Variants in HAPLN2 observed in about 807,000 individuals in gnomAD.
HAPLN2 encodes hyaluronan and proteoglycan link protein 2.
HAPLN2 carries 27 observed loss-of-function variants against 29.3 expected under a neutral mutation model. The observed-to-expected ratio is 0.92, with a 90% CI of 0.68 to 1.27. The LOEUF (loss-of-function observed/expected upper bound fraction) is 1.27. Among genes scored for constraint, HAPLN2 ranks in the 50% most tolerant of loss-of-function variants. HAPLN2 has a pLI of 0.00. For synonymous variants in HAPLN2, 208 were observed against 211.7 expected (o/e 0.98, Z 0.15); for missense variants, 454 against 484.3 (o/e 0.94, Z 0.59).
At chr1:156,624,198 A>G in intron 4 of HAPLN2, 38 bp downstream of exon 4, 1 of 1,577,098 alleles carries the variant, frequency 6.3e-7, no homozygotes, top group Non-Finnish European at 8.6e-7. Context: ...CCTGTGTAGC[A>G]GCGGGTCCGC....
At chr1:156,618,734 G>A (rs1678126764), upstream of HAPLN2, among the ~76,000 whole-genome samples, 1 of 141,328 alleles carries the variant, frequency 7.1e-6, no homozygotes, top group African/African-American at 2.7e-5. Context: ...AGCCAAGATC[G>A]TGCCACCGCA....
chr1:156,604,253 T>C, the HAPLN2 span, among the ~76,000 whole-genome samples: 1 of 151,214 alleles, frequency 6.6e-6, no homozygotes, highest in African/African-American at 2.4e-5. Flanking sequence ...AAACATACAA[T>C]GGACTAATGT....
At chr1:156,610,904 A>G in the HAPLN2 span, among the ~76,000 whole-genome samples, 4 of 152,244 alleles carry the variant, frequency 2.6e-5, no homozygotes, top group African/African-American at 9.6e-5. Flanking sequence ...TTCAATATGT[A>G]ATGATATTAC....
At chr1:156,618,700 A>G (rs1466136975), upstream of HAPLN2, among the ~76,000 whole-genome samples, 1 of 145,000 alleles carries the variant, frequency 6.9e-6, no homozygotes, top group African/African-American at 2.6e-5. Context: ...AATGGCATGA[A>G]CCCGGGAGTC....
chr1:156,625,571 GGGCGCCTCCGGC>G lies in HAPLN2; in HGVS notation c.*192_*203del. On this transcript the variant is annotated 3_prime_UTR_variant, in exon 7 of 7. Coordinates refer to ENST00000255039, the MANE Select transcript of HAPLN2 (RefSeq NM_021817.3). This position sits in a 1 kb window ranked among gnomAD's most constrained non-coding sequence, Gnocchi z 5.7. Reference sequence around the variant, plus strand: ...GCCCGGCGGCGGGGAGGGGAGGCGGGGGCGCCTCCGGCGGCGAGATGCAGAGGTGACCCTCGG... The same window carrying G: ...GCCCGGCGGCGGGGAGGGGAGGCGGGGGCGAGATGCAGAGGTGACCCTCGG... 1.7e-6 allele frequency: 1 copy of G among 577,510 alleles called. No individual in the cohort carries two copies. The highest frequency in any genetic ancestry group is 3.3e-5 in the East Asian group (1 of 29,882). The allele number at this position is 577,510 out of a possible 1,614,324, so 35.8% of individuals were successfully genotyped here.
intron 2 of HAPLN2, among the ~76,000 whole-genome samples, chr1:156,622,404 T>C (rs938037049): frequency 3.3e-5 from 5 of 151,702 alleles, no homozygotes; most frequent in Non-Finnish European, 7.4e-5. Context: ...CAGTAAGCCA[T>C]GATCATACCA....
Position 156,624,629 on chromosome 1 carries a change from C to T in HAPLN2, c.585C>T (p.Asn195=), listed in dbSNP as rs1678381967. Residue 195 remains asparagine (N), a synonymous_variant, in exon 6 of 7, where the codon AAC becomes AAT. Coordinates refer to ENST00000255039, the MANE Select transcript of HAPLN2 (RefSeq NM_021817.3). ...GGACCGAGGGTCTGGACTGGTGTAACGCGGGCTGGCTGCTCGAGGGCTCCG... is the reference window on the plus strand; with the variant it reads ...GGACCGAGGGTCTGGACTGGTGTAATGCGGGCTGGCTGCTCGAGGGCTCCG... The part of the protein sequence containing the change: ...QAWTEGLDWC[N]AGWLLEGSVR... The T allele has an allele frequency of 3.1e-6, 5 of 1,612,794 alleles. No individual in the cohort carries two copies.
chr1:156,624,747 C>T lies in HAPLN2; in HGVS notation c.703C>T (p.Arg235Cys). 6.5e-7 allele frequency: 1 copy of T among 1,546,064 alleles called. No individual in the cohort carries two copies. The highest frequency in any genetic ancestry group is 8.7e-7 in the Non-Finnish European group (1 of 1,155,066). ...CGGACCCCGCGACCGGATGCGCGACCGCTACGACGCCTTCTGCTTCACCTC... is the reference window on the plus strand; with the variant it reads ...CGGACCCCGCGACCGGATGCGCGACTGCTACGACGCCTTCTGCTTCACCTC... ...SYGPRDRMRD[R>C]YDAFCFTSAL... is the part of the protein sequence containing the mutation. The change falls in exon 6 of 7, where the codon CGC becomes TGC. Residue 235 changes from arginine to cysteine, a missense_variant. Transcript: ENST00000255039.
intron 2 of HAPLN2, among the ~76,000 whole-genome samples, chr1:156,622,058 A>G (rs1408200740): frequency 6.6e-6 from 1 of 152,176 alleles, no homozygotes; most frequent in Non-Finnish European, 1.5e-5. Context: ...ATAATTTTAT[A>G]TTTTTTAACT....
the HAPLN2 span, among the ~76,000 whole-genome samples, chr1:156,603,002 T>C: frequency 6.6e-6 from 1 of 152,096 alleles, no homozygotes; most frequent in African/African-American, 2.4e-5. Context: ...ATCCCCATAA[T>C]TTTTTCCATA....
upstream of HAPLN2, among the ~76,000 whole-genome samples, chr1:156,617,106 G>GAAAT (rs535830462): frequency 6.6e-6 from 1 of 151,308 alleles, no homozygotes; most frequent in African/African-American, 2.4e-5. Context: ...AAGAAAGAAA[G>GAAAT]AAAGAAAAGT....
the HAPLN2 span, among the ~76,000 whole-genome samples, chr1:156,612,794 C>T: frequency 6.6e-6 from 1 of 152,150 alleles, no homozygotes; most frequent in Non-Finnish European, 1.5e-5. Context: ...AGTGGTCCTA[C>T]CCTTCCAAGA....
chr1:156,617,904 G>A (rs149227562), upstream of HAPLN2, among the ~76,000 whole-genome samples: 150 of 152,052 alleles, frequency 9.9e-4, no homozygotes, highest in Middle Eastern at 3.4e-3. Flanking sequence ...TTTTACCTGT[G>A]TACAATATAT....
Position 156,621,786 on chromosome 1 carries a change from CT to C in HAPLN2, c.-25+1629del, listed in dbSNP as rs1474484793. Among the ~76,000 whole-genome samples, 45 of 149,022 alleles carry C rather than the reference CT, an allele frequency of 3.0e-4. 1 individual carries two copies. The highest frequency in any genetic ancestry group is 4.7e-4 in the Non-Finnish European group (32 of 67,588). On this transcript the variant is annotated intron_variant, in intron 2 of 6. Transcript: ENST00000255039. ...ATAAAGGAGGAGCTGGGTGCAGTGG[CT>C]CAAACTTGGGAGGCTGAAGTGGGAG...
Position 156,624,318 on chromosome 1 carries a change from C to G in HAPLN2, c.440-33C>G, listed in dbSNP as rs372076575. ...CTTCCTCCCCCTCCGCTCCCATCCG[C>G]TGGCCCTCCCCAGGATCCCCGCCAC... On this transcript the variant is annotated intron_variant, in intron 4 of 6. Coordinates refer to ENST00000255039, the MANE Select transcript of HAPLN2 (RefSeq NM_021817.3). 2.6e-4 allele frequency: 401 copies of G among 1,569,370 alleles called. No homozygotes were observed. In the African/African-American group the frequency reaches 4.8e-3, roughly 19 times the overall value.
chr1:156,613,875 C>A, the HAPLN2 span, among the ~76,000 whole-genome samples: 1 of 147,388 alleles, frequency 6.8e-6, no homozygotes, highest in South Asian at 2.1e-4. Flanking sequence ...CAAGATCATG[C>A]CACTGCACTT....
chr1:156,609,628 C>A, the HAPLN2 span, among the ~76,000 whole-genome samples: 1 of 152,172 alleles, frequency 6.6e-6, no homozygotes, highest in Non-Finnish European at 1.5e-5. Flanking sequence ...TATAGATCTG[C>A]TGTTTTCTTT....
upstream of HAPLN2, among the ~76,000 whole-genome samples, chr1:156,617,568 C>T (rs747722851): frequency 1.7e-4 from 25 of 151,268 alleles, no homozygotes; most frequent in Admixed American, 3.3e-4. Flanking sequence ...AGGCTGGTCT[C>T]GAACTCCTGA....
intron 6 of HAPLN2, 126 bp downstream of exon 6, chr1:156,624,909 G>GGGCGGC: frequency 2.0e-6 from 2 of 999,520 alleles, no homozygotes; most frequent in Non-Finnish European, 2.8e-6. Context: ...CCCCCCATCA[G>GGGCGGC]CCCGCCCGCC....
Sources: gnomAD v4.1 joint callset for allele counts (sites outside exome capture counted in the v4.1 genomes callset) on GRCh38, gnomAD v4.1.1 for gene constraint, Gnocchi (gnomAD v3.1) non-coding constraint, MANE v1.5 for transcripts, NCBI Gene and HGNC (gene_info 2026-07-23, HGNC 2026-07-21) for gene names.